PLEKHM1: variants seen among roughly 807,000 people sequenced by gnomAD.
PLEKHM1 encodes the protein pleckstrin homology and RUN domain containing M1.
In PLEKHM1, 28 loss-of-function variants were observed where a neutral mutation model predicts 94.3. That is an observed-to-expected ratio of 0.30 (90% confidence interval 0.22 to 0.41). The LOEUF is 0.41. PLEKHM1 is among the 10% of genes least tolerant of loss of function. The probability of loss-of-function intolerance (pLI) is 1.00; values close to 1 mark genes in which losing one functional copy is unlikely to be tolerated. For missense variants in PLEKHM1, 907 were observed against 1,358.6 expected, an observed-to-expected ratio of 0.67 and a Z score of 5.22; for synonymous variants, 424 against 581.2, an observed-to-expected ratio of 0.73 and a Z score of 3.89.
intron 4 of PLEKHM1, among the ~76,000 whole-genome samples, chr17:45,468,799 G>A (rs1262646416): frequency 2.6e-5 from 4 of 152,150 alleles, no homozygotes; most frequent in Non-Finnish European, 4.4e-5. Flanking sequence ...GGCAGACTGC[G>A]TGGACAGGTG....
chr17:45,450,944 C>CTATCATTATTTT (rs2050757647), intron 7 of PLEKHM1, among the ~76,000 whole-genome samples, 181 bp from the exon 8 acceptor site: 2 of 140,744 alleles, frequency 1.4e-5, no homozygotes, highest in Non-Finnish European at 3.1e-5. Context: ...TTTACAACAA[C>CTATCATTATTTT]ACACTGTAAG....
chr17:45,434,230 A>T (rs2050204181), downstream of PLEKHM1: 1 of 152,186 alleles, frequency 6.6e-6, no homozygotes, highest in Admixed American at 6.5e-5. Context: ...ACAGCCAGGC[A>T]GTGGCTGGCA....
At chr17:45,463,270 G>C (rs978713856) in intron 5 of PLEKHM1, among the ~76,000 whole-genome samples, 5 of 152,068 alleles carry the variant, frequency 3.3e-5, no homozygotes, top group Non-Finnish European at 7.4e-5. Context: ...CAGGTTCCTC[G>C]GAGCTTCTGC....
At chr17:45,456,689 C>T (rs1017607098) in intron 6 of PLEKHM1, among the ~76,000 whole-genome samples, 6 of 152,258 alleles carry the variant, frequency 3.9e-5, no homozygotes, top group South Asian at 2.1e-4. Flanking sequence ...CACAGCAAGG[C>T]CCCCTGAGCT....
In PLEKHM1 at chr17:45,437,888, G is replaced by A. The variant is rs755258636; in HGVS notation, c.3141C>T (p.Arg1047=). The change falls in exon 12 of 12, where the codon CGC becomes CGT. Residue 1047 remains arginine, a synonymous_variant. Transcript: ENST00000430334. The surrounding 1 kb of genome is among the most constrained non-coding windows in gnomAD (Gnocchi z 4.0). ...KKGCPRCARR[R]KYQEQNIFA ...CGAAAATGTTCTGTTCCTGGTACTT[G>A]CGCCGGCGGGCACAGCGGGGGCAGC... 4 of 1,613,966 alleles carry A rather than the reference G, an allele frequency of 2.5e-6. No individual in the cohort carries two copies. In the South Asian group the frequency reaches 4.4e-5, roughly 18 times the overall value.
At chr17:45,480,507 C>T (rs561218168) in intron 2 of PLEKHM1, among the ~76,000 whole-genome samples, 1 of 151,936 alleles carries the variant, frequency 6.6e-6, no homozygotes, top group South Asian at 2.1e-4. Context: ...AACAAAAAAA[C>T]AAAAAAACAA....
intron 11 of PLEKHM1, 131 bp downstream of exon 11, chr17:45,439,346 G>T: frequency 1.9e-6 from 2 of 1,044,748 alleles, no homozygotes; most frequent in Non-Finnish European, 2.9e-6. Context: ...CCACCCCTTG[G>T]CACAGCACAA....
intron 10 of PLEKHM1, 135 bp from the exon 11 acceptor site, chr17:45,439,769 G>A (rs1004214533): frequency 3.6e-5 from 41 of 1,153,808 alleles, no homozygotes; most frequent in East Asian, 1.9e-4. Flanking sequence ...TCTACCCCCC[G>A]TTTCCACACG....
chr17:45,482,622 C>G (rs2051989236), intron 1 of PLEKHM1, 97 bp from the exon 2 acceptor site: 1 of 725,860 alleles, frequency 1.4e-6, no homozygotes, highest in African/African-American at 1.8e-5. Flanking sequence ...CTCTCTTACT[C>G]AAACTGCAAC....
intron 1 of PLEKHM1, among the ~76,000 whole-genome samples, chr17:45,490,232 C>T (rs992509886): frequency 4.6e-5 from 7 of 151,328 alleles, no homozygotes; most frequent in African/African-American, 1.7e-4. Flanking sequence ...AAAGGGGAAA[C>T]CTGAATGGTG....
In PLEKHM1 at chr17:45,435,909, A is replaced by C. The variant is rs1232461920; in HGVS notation, c.*1949T>G. ...TCAGAAGCCAGACCAGTGATGAGAA[A>C]GATCAGGTCTTTACTGCAAAATCAT... On this transcript the variant is annotated 3_prime_UTR_variant, in exon 12 of 12. Coordinates refer to ENST00000430334, the MANE Select transcript of PLEKHM1 (RefSeq NM_014798.3). 8.9e-6 allele frequency: 4 copies of C among 451,962 alleles called. No individual in the cohort carries two copies. The highest frequency in any genetic ancestry group is 8.0e-5 in the African/African-American group (4 of 49,886). 28.0% of individuals were successfully genotyped at this position (451,962 alleles called of 1,614,324 possible).
In PLEKHM1 at chr17:45,468,494, G is replaced by A. The variant is rs1359362171; in HGVS notation, c.1023C>T (p.Leu341=). The A allele has an allele frequency of 1.2e-6, 2 of 1,614,250 alleles. No individual in the cohort carries two copies. The highest frequency in any genetic ancestry group is 1.6e-4 in the Middle Eastern group (1 of 6,062). ...GGTATGTGCTGGTGTTGAGGCCATG[G>A]AGGGAGAGCGAGGCCTGTGGTGTGG... ...EIPTPQASLS[L]HGLNTSTYLH... The change falls in exon 5 of 12, where the codon CTC becomes CTT. Residue 341 remains leucine, a synonymous_variant. Coordinates refer to ENST00000430334, the MANE Select transcript of PLEKHM1 (RefSeq NM_014798.3).
Position 45,445,908 on chromosome 17 carries a change from C to T in PLEKHM1, c.2644-245G>A, listed in dbSNP as rs79971642. 4.6e-5 allele frequency among the ~76,000 whole-genome samples: 7 copies of T among 152,368 alleles called. No homozygotes were observed. In the East Asian group the frequency reaches 1.3e-3, roughly 29 times the overall value. ...GCTCTCCCTCTAATGACAAGGGTCA[C>T]TGCCCCCTCCCCAATCATGCTGAGA... On this transcript the variant is annotated intron_variant, in intron 8 of 11. Coordinates refer to ENST00000430334, the MANE Select transcript of PLEKHM1 (RefSeq NM_014798.3). This position sits in a 1 kb window ranked among gnomAD's most constrained non-coding sequence, Gnocchi z 4.2.
chr17:45,470,668 T>G (rs2051476514), intron 4 of PLEKHM1, among the ~76,000 whole-genome samples: 1 of 150,856 alleles, frequency 6.6e-6, no homozygotes. Flanking sequence ...GTTTTTTTTT[T>G]TTTTATTTGA....
intron 9 of PLEKHM1, among the ~76,000 whole-genome samples, chr17:45,443,450 G>A (rs1003492382): frequency 6.6e-6 from 1 of 152,248 alleles, no homozygotes; most frequent in African/African-American, 2.4e-5. Context: ...CCTGCCCCAT[G>A]CTGTTTCCAT....
intron 11 of PLEKHM1, among the ~76,000 whole-genome samples, 193 bp downstream of exon 11, chr17:45,439,284 G>A (rs963230146): frequency 6.6e-6 from 1 of 152,248 alleles, no homozygotes; most frequent in African/African-American, 2.4e-5. Flanking sequence ...CCCCTGAGCT[G>A]GACTGGAGCT....
chr17:45,477,899 C>G lies in PLEKHM1; in HGVS notation c.296+1G>C, dbSNP rs786205055. The G allele has an allele frequency of 4.3e-6, 7 of 1,613,812 alleles. No homozygotes were observed. The highest frequency in any genetic ancestry group is 5.9e-6 in the Non-Finnish European group (7 of 1,179,948). On this transcript the variant is annotated splice_donor_variant, in intron 3 of 11. Coordinates refer to ENST00000430334, the MANE Select transcript of PLEKHM1 (RefSeq NM_014798.3). LOFTEE classifies it high-confidence loss of function. ...GCAAAACCTCTCCAGCTAAATCTCA[C>G]TTGTGGGTGACAGCTTTCAGGAGGG... is the stretch of plus-strand genomic sequence containing the variant.
rs1258412422 is a variant in PLEKHM1 at position 45,436,679 on chromosome 17, A to G, written c.*1179T>C. On this transcript the variant is annotated 3_prime_UTR_variant, in exon 12 of 12. Coordinates refer to ENST00000430334, the MANE Select transcript of PLEKHM1 (RefSeq NM_014798.3). ...ATTCCAGACTCCCACCCCAGCCCCA[A>G]GGCCCCTTCAAAGGCAGTCCTGCTC... The G allele has an allele frequency of 2.2e-6, 1 of 454,128 alleles. No homozygotes were observed. The highest frequency in any genetic ancestry group is 6.9e-5 in the East Asian group (1 of 14,394). 28.1% of individuals were successfully genotyped at this position (454,128 alleles called of 1,614,324 possible).
intron 5 of PLEKHM1, among the ~76,000 whole-genome samples, chr17:45,460,869 T>C (rs2051130668): frequency 6.6e-6 from 1 of 151,822 alleles, no homozygotes; most frequent in Non-Finnish European, 1.5e-5. Context: ...TGTCTGTTTT[T>C]GTTTTTTGTT....
Sources: gnomAD v4.1 joint callset for allele counts (sites outside exome capture counted in the v4.1 genomes callset) on GRCh38, gnomAD v4.1.1 for gene constraint, Gnocchi (gnomAD v3.1) non-coding constraint, MANE v1.5 for transcripts, NCBI Gene and HGNC (gene_info 2026-07-23, HGNC 2026-07-21) for gene names.